Variants in C5 observed in about 807,000 individuals in gnomAD.
C5 encodes the protein C3 and PZP-like alpha-2-macroglobulin domain-containing protein 4.
C5 carries 140 observed loss-of-function variants against 218.8 expected under a neutral mutation model. The observed-to-expected ratio is 0.64, with a 90% CI of 0.56 to 0.74. The LOEUF is 0.74. Among genes scored for constraint, C5 ranks in the 30% least tolerant of loss-of-function variants. C5 has a pLI of 0.00. For missense variants in C5, 1,700 were observed against 1,969.6 expected (o/e 0.86, Z 2.59); for synonymous variants, 614 against 682.3 (o/e 0.90, Z 1.56).
In C5 at chr9:121,002,222, A is replaced by ACGTATATACG. The variant is rs372983283; in HGVS notation, c.2562+3696_2562+3697insCGTATATACG. On this transcript the variant is annotated intron_variant, in intron 20 of 40. Coordinates refer to ENST00000223642, the MANE Select transcript of C5 (RefSeq NM_001735.3). Reference sequence around the variant, plus strand: ...CGTATATATGTATATATACGTATATATATATATGTATATATGTATATGTAT... The same window carrying ACGTATATACG: ...CGTATATATGTATATATACGTATATACGTATATACGTATATATGTATATATGTATATGTAT... 1.1e-4 allele frequency among the ~76,000 whole-genome samples: 9 copies of ACGTATATACG among 85,296 alleles called. 1 individual carries two copies. The highest frequency in any genetic ancestry group is 6.5e-4 in the Admixed American group (4 of 6,192). The allele number at this position is 85,296 out of a possible 152,430, so 56.0% of individuals were successfully genotyped here.
At chr9:120,981,661 T>C (rs2046994800) in intron 27 of C5, among the ~76,000 whole-genome samples, 183 bp downstream of exon 27, 1 of 152,240 alleles carries the variant, frequency 6.6e-6, no homozygotes, top group South Asian at 2.1e-4. Flanking sequence ...TAGGTTGGAC[T>C]AGGTGGTCTC....
intron 33 of C5, among the ~76,000 whole-genome samples, chr9:120,967,140 A>T (rs2046874456): frequency 6.6e-6 from 1 of 151,812 alleles, no homozygotes; most frequent in Non-Finnish European, 1.5e-5. Flanking sequence ...TGTGCCTGTA[A>T]TCCCAGCTAC....
chr9:121,053,819 G>A (rs1021710539), upstream of C5, among the ~76,000 whole-genome samples: 2 of 152,094 alleles, frequency 1.3e-5, no homozygotes, highest in African/African-American at 2.4e-5. Context: ...TTCTGCAGGC[G>A]CCTAGAATTC....
intron 31 of C5, 56 bp from the exon 32 acceptor site, chr9:120,970,307 G>C: frequency 1.7e-6 from 2 of 1,179,658 alleles, no homozygotes; most frequent in Admixed American, 3.4e-5. Flanking sequence ...AAGTGACAAA[G>C]GTATTATGGC....
rs926975360 is a variant in C5 at position 120,957,423 on chromosome 9, T to C, written c.4679-55A>G. Reference sequence around the variant, plus strand: ...TTCAGTCTTAATACTATTAATGCTATGTCCAGTAGAAGCCAGAATTTGTCA... The same window carrying C: ...TTCAGTCTTAATACTATTAATGCTACGTCCAGTAGAAGCCAGAATTTGTCA... On this transcript the variant is annotated intron_variant, in intron 38 of 40. Coordinates refer to ENST00000223642, the MANE Select transcript of C5 (RefSeq NM_001735.3). 9.0e-6 allele frequency: 12 copies of C among 1,326,370 alleles called. No homozygotes were observed. In the African/African-American group the frequency reaches 1.4e-4, roughly 16 times the overall value. The allele number at this position is 1,326,370 out of a possible 1,614,324, so 82.2% of individuals were successfully genotyped here.
chr9:121,069,894 A>C, the C5 span, among the ~76,000 whole-genome samples: 1 of 152,184 alleles, frequency 6.6e-6, no homozygotes, highest in Non-Finnish European at 1.5e-5. Context: ...TTCCTCAAAA[A>C]AACTACAAAT....
chr9:121,046,688 G>T (rs544539328), intron 1 of C5, among the ~76,000 whole-genome samples: 15 of 152,280 alleles, frequency 9.9e-5, no homozygotes, highest in African/African-American at 3.1e-4. Flanking sequence ...ACCAGAACAT[G>T]TAAATGGGGT....
chr9:120,971,735 C>A (rs1212962491), intron 31 of C5, among the ~76,000 whole-genome samples, 195 bp downstream of exon 31: 1 of 152,190 alleles, frequency 6.6e-6, no homozygotes, highest in Non-Finnish European at 1.5e-5. Flanking sequence ...CCATGCCTGA[C>A]CAACATTGTT....
Position 120,953,761 on chromosome 9 carries a change from C to T in C5, c.4870G>A (p.Ala1624Thr). The change falls in exon 40 of 41, where the codon GCC (alanine) becomes ACC (threonine). Residue 1624 changes from alanine to threonine, a missense_variant. Physicochemically the swap from Ala to Thr is moderately conservative, Grantham distance 58. Coordinates refer to ENST00000223642, the MANE Select transcript of C5 (RefSeq NM_001735.3). ...CTGAAATTGTATTTTATCTGGAGGG[C>T]TTCTTTACCCATAATTAAGTACTGT... ...GRQYLIMGKEALQIKYNFSFR... is the reference protein window; with the variant it reads ...GRQYLIMGKETLQIKYNFSFR... 1.9e-6 allele frequency: 3 copies of T among 1,614,052 alleles called. No homozygotes were observed. The highest frequency in any genetic ancestry group is 2.2e-5 in the South Asian group (2 of 91,082).
At chr9:121,067,706 C>G in the C5 span, among the ~76,000 whole-genome samples, 1 of 151,964 alleles carries the variant, frequency 6.6e-6, no homozygotes, top group African/African-American at 2.4e-5. Flanking sequence ...GTGGGTGGAT[C>G]ATGGGGGCAG....
At chr9:121,019,109 G>C (rs936860498) in intron 12 of C5, among the ~76,000 whole-genome samples, 4 of 151,688 alleles carry the variant, frequency 2.6e-5, no homozygotes, top group African/African-American at 9.7e-5. Context: ...TTTAAAGCCA[G>C]GGTTTAGATT....
chr9:120,973,358 A>G (rs894394430), intron 30 of C5, among the ~76,000 whole-genome samples: 2 of 152,180 alleles, frequency 1.3e-5, no homozygotes, highest in African/African-American at 4.8e-5. Flanking sequence ...TCTCCGGTGA[A>G]CTCTAAATGA....
At chr9:121,018,116 G>A (rs984764411) in intron 12 of C5, among the ~76,000 whole-genome samples, 1 of 151,666 alleles carries the variant, frequency 6.6e-6, no homozygotes, top group Non-Finnish European at 1.5e-5. Flanking sequence ...AGCCAGGCAT[G>A]GTGGTGCATG....
chr9:120,953,516 C>G (rs920821420), intron 40 of C5, among the ~76,000 whole-genome samples: 5 of 152,212 alleles, frequency 3.3e-5, no homozygotes, highest in Non-Finnish European at 5.9e-5. Context: ...TCAGATTCAT[C>G]ATCAGGTCCA....
In C5 at chr9:120,962,956, C is replaced by T. The variant is rs1327468850; in HGVS notation, c.4335G>A (p.Gly1445=). 1.2e-6 allele frequency: 2 copies of T among 1,613,278 alleles called. No individual in the cohort carries two copies. Among genetic ancestry groups the T allele is most frequent in the African/African-American group, 2.7e-5 (2 of 74,890 alleles). ...NEEDLKALVE[G]VDQLFTDYQI... Reference sequence around the variant, plus strand: ...GGTAATCAGTGAATAGTTGATCCACCCCTTCCACAAGCTAAGGGGGAAAAG... The same window carrying T: ...GGTAATCAGTGAATAGTTGATCCACTCCTTCCACAAGCTAAGGGGGAAAAG... Residue 1445 remains glycine (G), a synonymous_variant, in exon 35 of 41, where the codon GGG becomes GGA. Coordinates refer to ENST00000223642, the MANE Select transcript of C5 (RefSeq NM_001735.3).
At chr9:121,003,892 G>T (rs1240398462) in intron 20 of C5, among the ~76,000 whole-genome samples, 3 of 151,630 alleles carry the variant, frequency 2.0e-5, no homozygotes, top group African/African-American at 7.3e-5. Flanking sequence ...TTTTTGAGAC[G>T]GAGTGTCGCT....
intron 15 of C5, 94 bp from the exon 16 acceptor site, chr9:121,015,355 T>A: frequency 1.3e-6 from 1 of 778,938 alleles, no homozygotes; most frequent in South Asian, 1.5e-5. Flanking sequence ...ATTTAGAGCC[T>A]TCACAAGTCA....
At chr9:121,044,094 T>G (rs1485616886) in intron 2 of C5, among the ~76,000 whole-genome samples, 7 of 152,178 alleles carry the variant, frequency 4.6e-5, no homozygotes, top group African/African-American at 1.7e-4. Flanking sequence ...TGTAAAAGTT[T>G]GGAAAACAAG....
intron 33 of C5, among the ~76,000 whole-genome samples, chr9:120,965,131 C>T (rs2046857424): frequency 6.6e-6 from 1 of 152,140 alleles, no homozygotes; most frequent in South Asian, 2.1e-4. Context: ...GAATTGATCT[C>T]ACCTACAGGT....
Sources: gnomAD v4.1 joint callset for allele counts (sites outside exome capture counted in the v4.1 genomes callset) on GRCh38, gnomAD v4.1.1 for gene constraint, MANE v1.5 for transcripts, NCBI Gene and HGNC (gene_info 2026-07-23, HGNC 2026-07-21) for gene names.